ACTN4: variants seen among roughly 807,000 people sequenced by gnomAD.
The protein encoded by ACTN4 is alpha-actinin-4.
In ACTN4, 18 loss-of-function variants were observed where a neutral mutation model predicts 114.2. The ratio of observed to expected loss-of-function variants is 0.16; its 90% CI spans 0.11 to 0.23. The LOEUF (loss-of-function observed/expected upper bound fraction) is 0.23, where lower values mean the gene tolerates loss of function less well. Ranked by LOEUF, ACTN4 falls within the 10% of genes least tolerant of loss-of-function variation. The pLI, the probability that ACTN4 is intolerant of heterozygous loss-of-function variation, is 1.00. For synonymous variants in ACTN4, 515 were observed against 506.3 expected (o/e 1.02, Z -0.23); for missense variants, 722 against 1,262.9 (o/e 0.57, Z 6.49).
chr19:38,665,068 C>T (rs1966913116), intron 1 of ACTN4, among the ~76,000 whole-genome samples: 2 of 152,176 alleles, frequency 1.3e-5, no homozygotes, highest in South Asian at 4.1e-4. Context: ...GTACCACAGG[C>T]TGTCCCTGGG....
intron 8 of ACTN4, among the ~76,000 whole-genome samples, chr19:38,713,466 T>C (rs1968731992): frequency 1.3e-5 from 2 of 152,192 alleles, no homozygotes; most frequent in Non-Finnish European, 2.9e-5. Flanking sequence ...CCCATGTTCA[T>C]TGGCTGAGGA....
chr19:38,647,968 T>G (rs2303040), intron 1 of ACTN4, 61 bp downstream of exon 1: 895 of 1,171,004 alleles, frequency 7.6e-4, no homozygotes, highest in African/African-American at 2.7e-3. Context: ...CGGGGAGGGG[T>G]GGGAGGTCCT....
chr19:38,671,428 G>T (rs1967124967), intron 1 of ACTN4, among the ~76,000 whole-genome samples: 1 of 152,192 alleles, frequency 6.6e-6, no homozygotes. Context: ...TGAACTGCCA[G>T]TTCAGAATTT....
intron 1 of ACTN4, among the ~76,000 whole-genome samples, chr19:38,682,910 C>T (rs1479855198): frequency 6.6e-6 from 1 of 152,186 alleles, no homozygotes; most frequent in Admixed American, 6.5e-5. Context: ...GCTTGATTCC[C>T]TCCCCTCCCC....
chr19:38,686,639 T>C (rs1967752296), intron 1 of ACTN4, among the ~76,000 whole-genome samples: 1 of 152,264 alleles, frequency 6.6e-6, no homozygotes, highest in South Asian at 2.1e-4. Flanking sequence ...AAGCTCTGCC[T>C]GGAGGGCTGA....
intron 3 of ACTN4, 111 bp from the exon 4 acceptor site, chr19:38,704,823 G>A: frequency 1.1e-6 from 1 of 896,316 alleles, no homozygotes; most frequent in Non-Finnish European, 1.9e-6. Flanking sequence ...ACCAGGGGGT[G>A]GTTTGGAGCC....
rs141515562 is a variant in ACTN4 at position 38,698,727 on chromosome 19, A to G, written c.163-1873A>G. On this transcript the variant is annotated intron_variant, in intron 1 of 20. Coordinates refer to ENST00000252699, the MANE Select transcript of ACTN4 (RefSeq NM_004924.6). Reference sequence around the variant, plus strand: ...GGGTCTCTGTCTCCCAGGTAGAGGAATTCTCCATGGTGAGAGGTGGTGGTG... The same window carrying G: ...GGGTCTCTGTCTCCCAGGTAGAGGAGTTCTCCATGGTGAGAGGTGGTGGTG... Among the ~76,000 whole-genome samples the G allele has an allele frequency of 9.6e-3, 1,456 of 152,248 alleles. 11 individuals are homozygous for G. The highest frequency in any genetic ancestry group is 0.017 in the Non-Finnish European group (1,154 of 67,996).
chr19:38,649,814 A>G (rs1976505878), intron 1 of ACTN4, among the ~76,000 whole-genome samples: 2 of 152,154 alleles, frequency 1.3e-5, no homozygotes, highest in Non-Finnish European at 1.5e-5. Flanking sequence ...CAGCTGTTCC[A>G]AGGCAGCCTG....
intron 8 of ACTN4, 109 bp downstream of exon 8, chr19:38,710,451 C>T: frequency 8.1e-7 from 1 of 1,240,070 alleles, no homozygotes; most frequent in Non-Finnish European, 1.2e-6. Flanking sequence ...AGTGGCCTCT[C>T]TCCAACTGGA....
chr19:38,652,216 A>G (rs144637972), intron 1 of ACTN4, among the ~76,000 whole-genome samples: 97 of 152,182 alleles, frequency 6.4e-4, no homozygotes, highest in African/African-American at 2.0e-3. Flanking sequence ...CTCAAACTCA[A>G]CTGTTATCTA....
intron 1 of ACTN4, among the ~76,000 whole-genome samples, chr19:38,687,210 G>A (rs1403786437): frequency 6.6e-6 from 1 of 151,056 alleles, no homozygotes; most frequent in Non-Finnish European, 1.5e-5. Flanking sequence ...GACCTCAAAT[G>A]ATCCACCTGC....
rs1358822191 is a variant in ACTN4, at chr19:38,724,622, G to A, written c.2010+57G>A. The A allele has an allele frequency of 2.3e-5, 37 of 1,609,830 alleles. No homozygotes were observed. Among genetic ancestry groups the A allele is most frequent in the Non-Finnish European group, 3.1e-5 (36 of 1,179,774 alleles). ...AAGGTTCCAAGAGAGCTCCCGTAGT[G>A]AGGGGGTCCCCGGCCAGCCCAGGGC... On this transcript the variant is annotated intron_variant, in intron 16 of 20. Transcript: ENST00000252699. The surrounding 1 kb of genome is among the most constrained non-coding windows in gnomAD (Gnocchi z 7.0).
intron 3 of ACTN4, among the ~76,000 whole-genome samples, chr19:38,701,822 T>G (rs1968286411): frequency 6.6e-6 from 1 of 152,228 alleles, no homozygotes; most frequent in Non-Finnish European, 1.5e-5. Context: ...CACTCATTAG[T>G]CAGAGTAAGA....
intron 11 of ACTN4, among the ~76,000 whole-genome samples, chr19:38,721,167 C>T (rs769469802): frequency 6.6e-6 from 1 of 152,204 alleles, no homozygotes; most frequent in Non-Finnish European, 1.5e-5. Context: ...GCTTTGACCC[C>T]GGGTGCTTCT....
intron 8 of ACTN4, among the ~76,000 whole-genome samples, chr19:38,713,484 G>A (rs916007858): frequency 6.6e-6 from 1 of 152,286 alleles, no homozygotes; most frequent in South Asian, 2.1e-4. Flanking sequence ...GGAACCTCTT[G>A]GACCTCATCT....
chr19:38,692,870 G>A lies in ACTN4; in HGVS notation c.163-7730G>A, dbSNP rs991540312. On this transcript the variant is annotated intron_variant, in intron 1 of 20. Coordinates refer to ENST00000252699, the MANE Select transcript of ACTN4 (RefSeq NM_004924.6). The stretch of plus-strand genomic sequence containing the variant: ...CAGGCAAGGTGGAAGTTCAGGAGGT[G>A]GGACGGCGCCCTCCCCCTCAAAGCA... Among the ~76,000 whole-genome samples, 15 of 152,282 alleles carry A rather than the reference G, an allele frequency of 9.9e-5. No homozygotes were observed. In the East Asian group the frequency reaches 2.7e-3, roughly 27 times the overall value.
rs1158647509 is a variant in ACTN4 at position 38,647,683 on chromosome 19, G to C, written c.-63G>C. On this transcript the variant is annotated 5_prime_UTR_variant, in exon 1 of 21. Transcript: ENST00000252699. ...GAAGCGGCGGTAGCGGCGGCGGCTC[G>C]GGCAGAGGGGCGGGAGCTGAGGCGG... The C allele has an allele frequency of 3.3e-6, 5 of 1,498,978 alleles. No individual in the cohort carries two copies. Among genetic ancestry groups the C allele is most frequent in the South Asian group, 1.3e-5 (1 of 79,144 alleles). 92.9% of individuals were successfully genotyped at this position (1,498,978 alleles called of 1,614,324 possible).
chr19:38,730,559 C>T lies in ACTN4; in HGVS notation c.*1127C>T. The T allele has an allele frequency of 6.1e-6, 3 of 492,782 alleles. No homozygotes were observed. The highest frequency in any genetic ancestry group is 1.1e-5 in the Non-Finnish European group (3 of 275,604). 30.5% of individuals were successfully genotyped at this position (492,782 alleles called of 1,614,324 possible). On this transcript the variant is annotated 3_prime_UTR_variant, in exon 21 of 21. Transcript: ENST00000252699. Reference sequence around the variant, plus strand: ...CCTGCAGCATCATCTTTTTTTATTTCTCCTGTGTCTGTCCTCCACCTTCTA... The same window carrying T: ...CCTGCAGCATCATCTTTTTTTATTTTTCCTGTGTCTGTCCTCCACCTTCTA...
intron 7 of ACTN4, 115 bp downstream of exon 7, chr19:38,709,591 G>T: frequency 1.1e-6 from 1 of 897,622 alleles, no homozygotes. Flanking sequence ...ACCTTGGGGA[G>T]CTGGCAGAGC....
Sources: allele counts gnomAD v4.1 joint callset (sites outside exome capture counted in the v4.1 genomes callset), GRCh38; gene constraint gnomAD v4.1.1; non-coding constraint Gnocchi (gnomAD v3.1); transcripts MANE v1.5; gene names NCBI Gene and HGNC (gene_info 2026-07-23, HGNC 2026-07-21).